The following CEP63 variants were observed in gnomAD, a reference collection of about 807,000 sequenced individuals.
CEP63 encodes the protein centrosomal protein 63, also known as centrosomal protein of 63 kDa.
CEP63 carries 84 observed loss-of-function variants against 89.1 expected under a neutral mutation model. The observed-to-expected ratio is 0.94, with a 90% CI of 0.79 to 1.13. CEP63 has a LOEUF of 1.13. CEP63 is among the 50% of genes most tolerant of loss of function. The pLI, the probability that CEP63 is intolerant of heterozygous loss-of-function variation, is 0.00. For synonymous variants in CEP63, 267 were observed against 272.5 expected, an observed-to-expected ratio of 0.98 and a Z score of 0.20; for missense variants, 838 against 813.3, an observed-to-expected ratio of 1.03 and a Z score of -0.37.
chr3:134,564,666 T>C lies in CEP63; in HGVS notation c.*3131T>C, dbSNP rs183620456. On this transcript the variant is annotated 3_prime_UTR_variant, in exon 15 of 15. Transcript: ENST00000675561. ...GGGTCGAGAAGATTTACTGAAAATA[T>C]ATATTTGAAAGGGCTTTGCAGTTTT... 99 of 985,324 alleles carry C rather than the reference T, an allele frequency of 1.0e-4. No individual in the cohort carries two copies. The highest frequency in any genetic ancestry group is 1.2e-4 in the Admixed American group (2 of 16,286). 61.0% of individuals were successfully genotyped at this position (985,324 alleles called of 1,614,324 possible). A position where few individuals can be genotyped will look rare whatever the true frequency, so the allele number is the denominator to read the frequency against.
At chr3:134,618,304 G>C in the CEP63 span, among the ~76,000 whole-genome samples, 3 of 152,160 alleles carry the variant, frequency 2.0e-5, no homozygotes, top group African/African-American at 7.2e-5. Context: ...TGTGGACTAA[G>C]TGTTACACTT....
chr3:134,703,109 C>A, the CEP63 span, among the ~76,000 whole-genome samples: 1 of 151,992 alleles, frequency 6.6e-6, no homozygotes, highest in South Asian at 2.1e-4. Flanking sequence ...TCCTGGCTAA[C>A]ACAGTGAAAC....
At chr3:134,611,284 G>T in the CEP63 span, among the ~76,000 whole-genome samples, 1 of 152,184 alleles carries the variant, frequency 6.6e-6, no homozygotes, top group Non-Finnish European at 1.5e-5. Flanking sequence ...GGTCACCTCT[G>T]GGGAAGATAT....
downstream of CEP63, among the ~76,000 whole-genome samples, chr3:134,568,393 C>T (rs1343154332): frequency 1.3e-5 from 2 of 152,210 alleles, no homozygotes; most frequent in African/African-American, 4.8e-5. Context: ...TCTTCAGCCA[C>T]AGGCAAGCAT....
chr3:134,553,258 C>T (rs1955313737), intron 12 of CEP63: 1 of 152,000 alleles, frequency 6.6e-6, no homozygotes, highest in African/African-American at 2.4e-5. Flanking sequence ...TACCTTATTT[C>T]AACTGGAAAA....
the CEP63 span, among the ~76,000 whole-genome samples, chr3:134,602,131 G>A: frequency 6.6e-6 from 1 of 152,144 alleles, no homozygotes; most frequent in African/African-American, 2.4e-5. Context: ...GCTCTCAGGG[G>A]TTGGGGGGCA....
chr3:134,627,496 C>G, the CEP63 span, among the ~76,000 whole-genome samples: 1 of 152,134 alleles, frequency 6.6e-6, no homozygotes, highest in East Asian at 1.9e-4. Flanking sequence ...AATATGTTTC[C>G]TATAATGGTC....
At chr3:134,648,205 T>C in the CEP63 span, among the ~76,000 whole-genome samples, 1 of 152,326 alleles carries the variant, frequency 6.6e-6, no homozygotes, top group African/African-American at 2.4e-5. Context: ...TGCTCCTTGG[T>C]GGCCGAGGAG....
chr3:134,584,616 AG>A (rs1958438173), intron 10 of CEP63, among the ~76,000 whole-genome samples: 1 of 152,190 alleles, frequency 6.6e-6, no homozygotes, highest in African/African-American at 2.4e-5. Flanking sequence ...AGTGTTTATC[AG>A]GGATATTGGT....
intron 11 of CEP63, among the ~76,000 whole-genome samples, chr3:134,574,424 T>C (rs577363916): frequency 2.3e-4 from 35 of 152,328 alleles, no homozygotes; most frequent in African/African-American, 6.5e-4. Flanking sequence ...CCAAAACTAT[T>C]ATCTAGTGAT....
chr3:134,619,471 G>A, the CEP63 span, among the ~76,000 whole-genome samples: 62 of 152,340 alleles, frequency 4.1e-4, no homozygotes, highest in Admixed American at 1.1e-3. Context: ...TGGCAGAGGG[G>A]GCCACCTGGC....
At chr3:134,625,268 G>A in the CEP63 span, 2 of 735,328 alleles carry the variant, frequency 2.7e-6, no homozygotes, top group South Asian at 3.4e-5. Flanking sequence ...GAAACATTGA[G>A]CCTAAGAGCT....
chr3:134,739,273 A>G, the CEP63 span, among the ~76,000 whole-genome samples: 2 of 152,236 alleles, frequency 1.3e-5, no homozygotes, highest in South Asian at 4.1e-4. Context: ...AATAAATGTG[A>G]TATCTATAGA....
chr3:134,585,615 T>C (rs1958468028), intron 10 of CEP63, among the ~76,000 whole-genome samples: 1 of 152,180 alleles, frequency 6.6e-6, no homozygotes, highest in African/African-American at 2.4e-5. Flanking sequence ...CTTCCAATTA[T>C]GTGGTCAATT....
downstream of CEP63, among the ~76,000 whole-genome samples, chr3:134,577,290 G>A (rs1958238492): frequency 6.6e-6 from 1 of 152,056 alleles, no homozygotes; most frequent in African/African-American, 2.4e-5. Flanking sequence ...CCTGGGTTAG[G>A]CAAAGCTTCT....
At chr3:134,492,286 A>G (rs1156938074) in intron 1 of CEP63, among the ~76,000 whole-genome samples, 1 of 151,990 alleles carries the variant, frequency 6.6e-6, no homozygotes, top group African/African-American at 2.4e-5. Context: ...GTTAGCCAGG[A>G]TGGTCTAATT....
At chr3:134,611,125 A>G in the CEP63 span, among the ~76,000 whole-genome samples, 1 of 152,278 alleles carries the variant, frequency 6.6e-6, no homozygotes, top group Admixed American at 6.5e-5. Flanking sequence ...CCTGGCCACA[A>G]TTCTGGAGTC....
At chr3:134,664,807 T>C in the CEP63 span, among the ~76,000 whole-genome samples, 5 of 152,254 alleles carry the variant, frequency 3.3e-5, no homozygotes, top group South Asian at 1.0e-3. Context: ...ATGGGTATAT[T>C]GATTCCTGCC....
the CEP63 span, chr3:134,651,251 C>T: frequency 4.9e-6 from 6 of 1,227,908 alleles, no homozygotes; most frequent in Non-Finnish European, 6.2e-6. Context: ...GCAGGGGCGG[C>T]CGGTCCAGAG....
Sources: gnomAD v4.1 joint callset for allele counts (sites outside exome capture counted in the v4.1 genomes callset) on GRCh38, gnomAD v4.1.1 for gene constraint, MANE v1.5 for transcripts, NCBI Gene and HGNC (gene_info 2026-07-23, HGNC 2026-07-21) for gene names.